The following NHERF1 variants were observed in gnomAD, a reference collection of about 807,000 sequenced individuals.
The protein encoded by NHERF1 is Na(+)/H(+) exchange regulatory cofactor NHE-RF1.
the NHERF1 span, among the ~76,000 whole-genome samples, chr17:74,758,207 G>A: frequency 3.9e-5 from 6 of 152,204 alleles, no homozygotes; most frequent in South Asian, 2.1e-4. This position sits in a 1 kb window ranked among gnomAD's most constrained non-coding sequence, Gnocchi z 4.3. Context: ...TGCTGGTGGC[G>A]CCTATTGAAT....
At chr17:74,751,288 C>CGT in the NHERF1 span, among the ~76,000 whole-genome samples, 1 of 152,212 alleles carries the variant, frequency 6.6e-6, no homozygotes, top group Non-Finnish European at 1.5e-5. The surrounding 1 kb of genome is among the most constrained non-coding windows in gnomAD (Gnocchi z 4.3). Flanking sequence ...TACAGACACC[C>CGT]ATGTGGTTAT....
the NHERF1 span, among the ~76,000 whole-genome samples, chr17:74,756,273 C>CTTTTTTTTTTTTTTTTTTTTTTTTTTT: frequency 5.6e-5 from 4 of 71,992 alleles, no homozygotes; most frequent in Admixed American, 2.1e-4. Flanking sequence ...TTCTTTCTTT[C>CTTTTTTTTTTTTTTTTTTTTTTTTTTT]TTTTTTTTTT....
At chr17:74,751,446 C>T in the NHERF1 span, among the ~76,000 whole-genome samples, 1 of 152,244 alleles carries the variant, frequency 6.6e-6, no homozygotes. The surrounding 1 kb of genome is among the most constrained non-coding windows in gnomAD (Gnocchi z 4.3). Flanking sequence ...CATTAGCCCT[C>T]CACTTACTAA....
chr17:74,763,746 C>T, the NHERF1 span, among the ~76,000 whole-genome samples: 1 of 152,162 alleles, frequency 6.6e-6, no homozygotes, highest in African/African-American at 2.4e-5. Flanking sequence ...ATGGGGTCAG[C>T]TGGCATGAGG....
the NHERF1 span, among the ~76,000 whole-genome samples, chr17:74,754,037 G>A: frequency 6.6e-6 from 1 of 152,156 alleles, no homozygotes. Flanking sequence ...GGTGGCAGGT[G>A]CCTGTAATCC....
chr17:74,768,707 C>T, the NHERF1 span: 1 of 1,538,880 alleles, frequency 6.5e-7, no homozygotes, highest in East Asian at 2.2e-5. Flanking sequence ...CATTCCACCC[C>T]ACCTTTTTCC....
At chr17:74,757,691 G>A in the NHERF1 span, among the ~76,000 whole-genome samples, 1 of 152,170 alleles carries the variant, frequency 6.6e-6, no homozygotes, top group African/African-American at 2.4e-5. Context: ...AACAAACTGA[G>A]CTGTCTCCCA....
chr17:74,751,459 GAT>G, the NHERF1 span, among the ~76,000 whole-genome samples: 1 of 152,346 alleles, frequency 6.6e-6, no homozygotes, highest in South Asian at 2.1e-4. The surrounding 1 kb of genome is among the most constrained non-coding windows in gnomAD (Gnocchi z 4.3). Flanking sequence ...CTTACTAAGT[GAT>G]GATATCAGTG....
chr17:74,768,263 A>C, the NHERF1 span: 1 of 1,557,792 alleles, frequency 6.4e-7, no homozygotes, highest in Non-Finnish European at 8.9e-7. Context: ...GGGGGTGGCA[A>C]CTGGGTTACA....
At chr17:74,763,092 T>G in the NHERF1 span, 1 of 375,820 alleles carries the variant, frequency 2.7e-6, no homozygotes, top group South Asian at 5.0e-5. Flanking sequence ...CCCAGCTCGC[T>G]CCCATCCCAT....
the NHERF1 span, among the ~76,000 whole-genome samples, chr17:74,766,010 T>G: frequency 6.6e-6 from 1 of 152,282 alleles, no homozygotes; most frequent in South Asian, 2.1e-4. Context: ...GAATCTGTAC[T>G]TTAACAAGCT....
the NHERF1 span, chr17:74,761,962 A>G: frequency 6.2e-7 from 1 of 1,603,858 alleles, no homozygotes. The surrounding 1 kb of genome is among the most constrained non-coding windows in gnomAD (Gnocchi z 4.3). Context: ...CAGGGAAGGC[A>G]GAACCTGGGG....
At chr17:74,749,840 T>C in the NHERF1 span, among the ~76,000 whole-genome samples, 1 of 152,256 alleles carries the variant, frequency 6.6e-6, no homozygotes, top group Non-Finnish European at 1.5e-5. This position sits in a 1 kb window ranked among gnomAD's most constrained non-coding sequence, Gnocchi z 5.6. Context: ...TCAGTCCTGC[T>C]GGACTTCATC....
the NHERF1 span, among the ~76,000 whole-genome samples, chr17:74,757,804 A>G: frequency 1.3e-5 from 2 of 151,816 alleles, no homozygotes; most frequent in African/African-American, 4.8e-5. Flanking sequence ...GCCCCCTTCC[A>G]TCCTCTTGTT....
At chr17:74,750,198 T>G in the NHERF1 span, among the ~76,000 whole-genome samples, 2 of 152,232 alleles carry the variant, frequency 1.3e-5, no homozygotes. Flanking sequence ...GGTTGCTTTT[T>G]GCCCATGTTT....
At chr17:74,762,064 G>T in the NHERF1 span, 2 of 1,614,144 alleles carry the variant, frequency 1.2e-6, no homozygotes, top group Non-Finnish European at 1.7e-6. The surrounding 1 kb of genome is among the most constrained non-coding windows in gnomAD (Gnocchi z 4.2). Flanking sequence ...AGTGGCTATG[G>T]CTTCAACCTG....
the NHERF1 span, among the ~76,000 whole-genome samples, chr17:74,750,163 C>G: frequency 6.6e-6 from 1 of 152,252 alleles, no homozygotes; most frequent in South Asian, 2.1e-4. Flanking sequence ...CATGGTCACT[C>G]TGGTGCCCAC....
the NHERF1 span, chr17:74,766,884 C>G: frequency 1.3e-6 from 2 of 1,584,422 alleles, no homozygotes; most frequent in South Asian, 2.2e-5. Context: ...CTCCTCTCCA[C>G]GCTCTATTCC....
At chr17:74,766,912 A>G in the NHERF1 span, 1 of 1,613,544 alleles carries the variant, frequency 6.2e-7, no homozygotes, top group South Asian at 1.1e-5. Context: ...TTCTGGACTC[A>G]CCTCTGCTCT....
Sources: allele counts gnomAD v4.1 joint callset (sites outside exome capture counted in the v4.1 genomes callset), GRCh38; gene constraint gnomAD v4.1.1; non-coding constraint Gnocchi (gnomAD v3.1); transcripts MANE v1.5; gene names NCBI Gene and HGNC (gene_info 2026-07-23, HGNC 2026-07-21).